The following CCDC125 variants were observed in gnomAD, a reference collection of about 807,000 sequenced individuals.
CCDC125 encodes the protein coiled-coil domain containing 125.
A neutral mutation model predicts 57.4 loss-of-function variants in CCDC125; 43 were observed. The ratio of observed to expected loss-of-function variants is 0.75; its 90% CI spans 0.59 to 0.97. The LOEUF is 0.97. Ranked by LOEUF, CCDC125 falls within the 50% of genes least tolerant of loss-of-function variation. The probability of loss-of-function intolerance (pLI) is 0.00; values close to 1 mark genes in which losing one functional copy is unlikely to be tolerated. For synonymous variants in CCDC125, 187 were observed against 195.2 expected (o/e 0.96, Z 0.35); for missense variants, 563 against 595.7 (o/e 0.95, Z 0.57).
chr5:69,327,721 A>G (rs1281465509), intron 1 of CCDC125, among the ~76,000 whole-genome samples: 2 of 152,172 alleles, frequency 1.3e-5, no homozygotes, highest in African/African-American at 4.8e-5. Flanking sequence ...ATTTTTGGGC[A>G]CCACTGATAT....
intron 8 of CCDC125, among the ~76,000 whole-genome samples, chr5:69,296,827 G>A (rs540330107): frequency 1.3e-5 from 2 of 151,794 alleles, no homozygotes; most frequent in Admixed American, 1.3e-4. Flanking sequence ...AGCTGGGCAT[G>A]GTGGTGGGTG....
At chr5:69,309,887 G>T (rs1757885195) in intron 4 of CCDC125, 1 of 152,308 alleles carries the variant, frequency 6.6e-6, no homozygotes, top group Non-Finnish European at 1.5e-5. Flanking sequence ...TGACCTGGAT[G>T]TGAGACCTGG....
intron 5 of CCDC125, 123 bp downstream of exon 5, chr5:69,307,828 G>T: frequency 1.4e-6 from 1 of 707,942 alleles, no homozygotes; most frequent in Non-Finnish European, 2.5e-6. Flanking sequence ...AAGACCATCA[G>T]AACTGAAGCA....
chr5:69,323,128 G>A (rs1760295630), intron 1 of CCDC125, among the ~76,000 whole-genome samples: 2 of 151,662 alleles, frequency 1.3e-5, no homozygotes, highest in African/African-American at 4.8e-5. Flanking sequence ...CCAATATGGT[G>A]AAACCCCATC....
In CCDC125 at chr5:69,308,023, T is replaced by G; in HGVS notation, c.459A>C (p.Ile153=). ...GCGTATGACTTGTGGCTTTGCCCAGTATTGCCTAAGAAAAATAAAACTAGC... is the reference window on the plus strand; with the variant it reads ...GCGTATGACTTGTGGCTTTGCCCAGGATTGCCTAAGAAAAATAAAACTAGC... ...EALKILQSMA[I]LGKATSHTQA... is the part of the protein sequence containing the mutation. The change falls in exon 5 of 12, where the codon ATA becomes ATC. Residue 153 remains isoleucine, a synonymous_variant. Transcript: ENST00000396496. The G allele has an allele frequency of 6.2e-7, 1 of 1,612,474 alleles. No individual in the cohort carries two copies. Among genetic ancestry groups the G allele is most frequent in the Non-Finnish European group, 8.5e-7 (1 of 1,178,526 alleles).
downstream of CCDC125, chr5:69,277,363 A>C (rs2150250250): frequency 7.6e-6 from 3 of 394,688 alleles, no homozygotes; most frequent in Non-Finnish European, 1.4e-5. Context: ...ATACTCTTGA[A>C]ATGTAGAATT....
chr5:69,278,231 A>T (rs1225389318), downstream of CCDC125, among the ~76,000 whole-genome samples: 1 of 150,662 alleles, frequency 6.6e-6, no homozygotes, highest in African/African-American at 2.4e-5. Flanking sequence ...TTTGAGATGG[A>T]GTCTCGCTCT....
intron 2 of CCDC125, 80 bp downstream of exon 2, chr5:69,320,153 GTTAT>G: frequency 8.1e-7 from 1 of 1,239,110 alleles, no homozygotes; most frequent in Non-Finnish European, 1.1e-6. Flanking sequence ...ATCCAATATG[GTTAT>G]TTATTTTAGA....
At chr5:69,296,575 G>C (rs1216725995) in intron 8 of CCDC125, among the ~76,000 whole-genome samples, 4 of 151,696 alleles carry the variant, frequency 2.6e-5, no homozygotes, top group South Asian at 2.1e-4. Flanking sequence ...TAATAAACTA[G>C]ATTCTGATTC....
At position 69,282,635 on chromosome 5, in the gene CCDC125, T is replaced by C. The variant is rs1457215943; in HGVS notation, c.*94A>G. 9.6e-7 allele frequency: 1 copy of C among 1,045,254 alleles called. No individual in the cohort carries two copies. Among genetic ancestry groups the C allele is most frequent in the East Asian group, 2.4e-5 (1 of 40,950 alleles). The allele number at this position is 1,045,254 out of a possible 1,614,324, so 64.7% of individuals were successfully genotyped here. ...AAAATTTAGAAATACCTAGGAAACA[T>C]ACAACTTCTCAAGATGCAGCAAAAT... On this transcript the variant is annotated 3_prime_UTR_variant, in exon 12 of 12. Coordinates refer to ENST00000396496, the MANE Select transcript of CCDC125 (RefSeq NM_176816.5).
chr5:69,314,178 T>C (rs1182637257), intron 2 of CCDC125, 132 bp from the exon 3 acceptor site: 2 of 661,908 alleles, frequency 3.0e-6, no homozygotes, highest in Non-Finnish European at 5.3e-6. Context: ...AGAATTATAA[T>C]AGAACACCAG....
chr5:69,330,530 A>G lies in CCDC125; in HGVS notation c.-41+2119T>C, dbSNP rs1019084091. Among the ~76,000 whole-genome samples the G allele has an allele frequency of 1.9e-3, 285 of 151,798 alleles. 3 individuals carry two copies. The highest frequency in any genetic ancestry group is 5.8e-3 in the African/African-American group (242 of 41,418). ...AATCGCTTGAACCCGGGAGGCAGAC[A>G]TTGCAGTGAGCCGAGATTGCACCAC... is the stretch of plus-strand genomic sequence containing the variant. On this transcript the variant is annotated intron_variant, in intron 1 of 11. Transcript: ENST00000396496.
At chr5:69,277,089 GTT>G, downstream of CCDC125, 1 of 1,569,364 alleles carries the variant, frequency 6.4e-7, no homozygotes, top group Non-Finnish European at 8.6e-7. Context: ...TTTTTTTCTT[GTT>G]CTTTTTGCTT....
chr5:69,294,935 T>C, intron 8 of CCDC125, 35 bp from the exon 9 acceptor site: 1 of 1,567,678 alleles, frequency 6.4e-7, no homozygotes, highest in Non-Finnish European at 8.8e-7. Context: ...TGTTATTAAG[T>C]GTCACACTGT....
chr5:69,328,797 CTTT>C (rs779295171), intron 1 of CCDC125, among the ~76,000 whole-genome samples: 2 of 144,082 alleles, frequency 1.4e-5, no homozygotes, highest in Admixed American at 7.0e-5. Context: ...ATACGTTTGA[CTTT>C]TTTTTTTTTT....
intron 4 of CCDC125, 129 bp downstream of exon 4, chr5:69,310,989 T>TA (rs1015784970): frequency 1.0e-4 from 53 of 517,672 alleles, no homozygotes; most frequent in Middle Eastern, 1.1e-3. Flanking sequence ...ATAAAGCTCT[T>TA]AAAAATATAC....
intron 4 of CCDC125, 24 bp from the exon 5 acceptor site, chr5:69,308,052 A>G: frequency 6.5e-7 from 1 of 1,540,940 alleles, no homozygotes; most frequent in Non-Finnish European, 9.0e-7. Flanking sequence ...AACTAGCATC[A>G]GTATAAATTA....
downstream of CCDC125, chr5:69,277,023 A>T (rs1752221693): frequency 8.7e-7 from 1 of 1,145,600 alleles, no homozygotes; most frequent in Admixed American, 2.2e-5. Context: ...GTTGGAATGC[A>T]GTGACTGGTT....
intron 1 of CCDC125, among the ~76,000 whole-genome samples, chr5:69,329,818 C>G (rs1047927403): frequency 6.6e-6 from 1 of 152,000 alleles, no homozygotes; most frequent in Non-Finnish European, 1.5e-5. Flanking sequence ...GTATTTTTTT[C>G]TATTCCAGCC....
Sources: allele counts gnomAD v4.1 joint callset (sites outside exome capture counted in the v4.1 genomes callset), GRCh38; gene constraint gnomAD v4.1.1; transcripts MANE v1.5; gene names NCBI Gene and HGNC (gene_info 2026-07-23, HGNC 2026-07-21).